The following NAT8L variants were observed in gnomAD, a reference collection of about 807,000 sequenced individuals.
NAT8L encodes N-acetylaspartate synthetase.
NAT8L carries 6 observed loss-of-function variants against 21.2 expected under a neutral mutation model. The observed-to-expected ratio is 0.28, with a 90% CI of 0.16 to 0.56. The LOEUF is 0.56. Among genes scored for constraint, NAT8L ranks in the 20% least tolerant of loss-of-function variants. The probability of loss-of-function intolerance (pLI) is 0.93; values close to 1 mark genes in which losing one functional copy is unlikely to be tolerated. For synonymous variants in NAT8L, 239 were observed against 204.9 expected (o/e 1.17, Z -1.42); for missense variants, 331 against 433.3 (o/e 0.76, Z 2.10).
rs748394253 is a variant in NAT8L at position 2,061,107 on chromosome 4, G to A, written c.486G>A (p.Glu162=). ...GCAAGGTGATCCGCGCCTACCTGGA[G>A]TGCGCGCTGCACACGGACATGGCGG... The part of the protein sequence containing the change: ...YSRKVIRAYL[E]CALHTDMADI... The change falls in exon 2 of 3, where the codon GAG becomes GAA. Residue 162 remains glutamate (E), a synonymous_variant. Coordinates refer to ENST00000423729, the MANE Select transcript of NAT8L (RefSeq NM_178557.4). 5 of 1,611,566 alleles carry A rather than the reference G, an allele frequency of 3.1e-6. No individual in the cohort carries two copies. The highest frequency in any genetic ancestry group is 4.2e-6 in the Non-Finnish European group (5 of 1,179,260).
rs1729809783 is a variant in NAT8L at position 2,059,505 on chromosome 4, C to T, written c.-7C>T. ...CGTCCCCGCTGCCGCGCCGCCCGGCCGGGTGCATGCATTGTGGGCCTCCCG... is the reference window on the plus strand; with the variant it reads ...CGTCCCCGCTGCCGCGCCGCCCGGCTGGGTGCATGCATTGTGGGCCTCCCG... On this transcript the variant is annotated 5_prime_UTR_variant, in exon 1 of 3. Transcript: ENST00000423729. This position sits in a 1 kb window ranked among gnomAD's most constrained non-coding sequence, Gnocchi z 4.8. The T allele has an allele frequency of 1.1e-5, 11 of 986,020 alleles. No individual in the cohort carries two copies. Among genetic ancestry groups the T allele is most frequent in the Non-Finnish European group, 1.2e-5 (10 of 830,772 alleles). The allele number at this position is 986,020 out of a possible 1,614,324, so 61.1% of individuals were successfully genotyped here.
rs867991655 is a variant in NAT8L, at chr4:2,064,004, G to A, written c.786G>A (p.Leu262=). 1 of 1,611,780 alleles carries A rather than the reference G, an allele frequency of 6.2e-7. No individual in the cohort carries two copies. The highest frequency in any genetic ancestry group is 1.7e-4 in the Middle Eastern group (1 of 6,034). Residue 262 remains leucine, a synonymous_variant, in exon 3 of 3, where the codon CTG becomes CTA. Coordinates refer to ENST00000423729, the MANE Select transcript of NAT8L (RefSeq NM_178557.4). ...CCGCCCACAAGCTCTACGAGTCGCTGGGCTTCAGACACATGGGCGCCAGTG... is the reference window on the plus strand; with the variant it reads ...CCGCCCACAAGCTCTACGAGTCGCTAGGCTTCAGACACATGGGCGCCAGTG... ...KVAAHKLYES[L]GFRHMGASDH...
In NAT8L at chr4:2,068,320, T is replaced by A. The variant is rs1730047570; in HGVS notation, c.*4193T>A. 1 of 152,290 alleles carries A rather than the reference T, an allele frequency of 6.6e-6. No homozygotes were observed. The highest frequency in any genetic ancestry group is 2.1e-4 in the South Asian group (1 of 4,838). The allele number at this position is 152,290 out of a possible 1,614,324, so 9.4% of individuals were successfully genotyped here. ...GAGCACGTGTATAGATGTACGTGTG[T>A]GTGCGCATGTGTGCGTGTACATGTG... On this transcript the variant is annotated 3_prime_UTR_variant, in exon 3 of 3. Transcript: ENST00000423729.
At position 2,063,740 on chromosome 4, in the gene NAT8L, G is replaced by T; in HGVS notation, c.542-20G>T. The T allele has an allele frequency of 1.2e-6, 2 of 1,609,176 alleles. No individual in the cohort carries two copies. The highest frequency in any genetic ancestry group is 2.2e-5 in the South Asian group (2 of 91,014). On this transcript the variant is annotated intron_variant, in intron 2 of 2. Transcript: ENST00000423729. ...CCAGCCTTCCTCACCGGGTGTCCCTGACCGCCCTATCCCCTGCAGGCTCCT... is the reference window on the plus strand; with the variant it reads ...CCAGCCTTCCTCACCGGGTGTCCCTTACCGCCCTATCCCCTGCAGGCTCCT...
chr4:2,063,080 T>C (rs1004987103), intron 2 of NAT8L, among the ~76,000 whole-genome samples: 3 of 152,224 alleles, frequency 2.0e-5, no homozygotes, highest in East Asian at 1.9e-4. Context: ...GTGGATGGGG[T>C]GATGGCCTGG....
rs1211159712 is a variant in NAT8L at position 2,059,379 on chromosome 4, CGCCGCCGCCGCCGCCGCT to C, written c.-115_-98del. The C allele has an allele frequency of 3.0e-5, 5 of 168,506 alleles. No individual in the cohort carries two copies. The highest frequency in any genetic ancestry group is 7.4e-5 in the African/African-American group (3 of 40,712). The allele number at this position is 168,506 out of a possible 1,614,324, so 10.4% of individuals were successfully genotyped here. On this transcript the variant is annotated 5_prime_UTR_variant, in exon 1 of 3. Transcript: ENST00000423729. This position sits in a 1 kb window ranked among gnomAD's most constrained non-coding sequence, Gnocchi z 4.8. ...CCTCCGCCCCGCGCCCCTGAGCTGC[CGCCGCCGCCGCCGCCGCT>C]GCCGCCGCCGCCGCCGCCGCCGCGG...
At chr4:2,061,570 G>C (rs941155783) in intron 2 of NAT8L, among the ~76,000 whole-genome samples, 4 of 152,204 alleles carry the variant, frequency 2.6e-5, no homozygotes, top group African/African-American at 9.6e-5. Context: ...TTGGGGCACA[G>C]AGGATGGGGT....
Position 2,059,689 on chromosome 4 carries a change from G to C in NAT8L, c.178G>C (p.Val60Leu). 1 of 1,043,584 alleles carries C rather than the reference G, an allele frequency of 9.6e-7. No homozygotes were observed. Among genetic ancestry groups the C allele is most frequent in the Non-Finnish European group, 1.2e-6 (1 of 869,438 alleles). The allele number at this position is 1,043,584 out of a possible 1,614,324, so 64.6% of individuals were successfully genotyped here. Residue 60 changes from valine to leucine, a missense_variant, in exon 1 of 3, where the codon GTG becomes CTG. Physicochemically the swap from Val to Leu is conservative, Grantham distance 32 (BLOSUM62 1). Transcript: ENST00000423729. The surrounding 1 kb of genome is among the most constrained non-coding windows in gnomAD (Gnocchi z 4.8). ...GCCCCCCGCGCCCCCACCTGCCCCG[G>C]TGGCTCAGCCTCACGGCGGGGCGGG... ...AAPPAPPPAP[V>L]AQPHGGAGGA...
At chr4:2,062,737 TG>T (rs1265470807) in intron 2 of NAT8L, among the ~76,000 whole-genome samples, 2 of 149,598 alleles carry the variant, frequency 1.3e-5, no homozygotes, top group African/African-American at 4.9e-5. Flanking sequence ...GGCTGGTGGC[TG>T]TGCAGAGGGG....
In NAT8L at chr4:2,059,763, T is replaced by G; in HGVS notation, c.252T>G (p.Arg84=). ...GGRGVCIREF[R]AAEQEAARRI... Reference sequence around the variant, plus strand: ...GCGGCGTGTGCATCCGCGAGTTCCGTGCGGCCGAGCAGGAGGCGGCGCGCC... The same window carrying G: ...GCGGCGTGTGCATCCGCGAGTTCCGGGCGGCCGAGCAGGAGGCGGCGCGCC... The change falls in exon 1 of 3, where the codon CGT becomes CGG. Residue 84 remains arginine (R), a synonymous_variant. Coordinates refer to ENST00000423729, the MANE Select transcript of NAT8L (RefSeq NM_178557.4). This position sits in a 1 kb window ranked among gnomAD's most constrained non-coding sequence, Gnocchi z 4.8. 7.6e-7 allele frequency: 1 copy of G among 1,318,690 alleles called. No individual in the cohort carries two copies. The highest frequency in any genetic ancestry group is 9.8e-7 in the Non-Finnish European group (1 of 1,021,818). The allele number at this position is 1,318,690 out of a possible 1,614,324, so 81.7% of individuals were successfully genotyped here.
rs1369571245 is a variant in NAT8L, at chr4:2,059,970, G to A, written c.376+83G>A. On this transcript the variant is annotated intron_variant, in intron 1 of 2. Coordinates refer to ENST00000423729, the MANE Select transcript of NAT8L (RefSeq NM_178557.4). The surrounding 1 kb of genome is among the most constrained non-coding windows in gnomAD (Gnocchi z 4.8). ...GCCCCGGCGTCCACGCGGACCCCGCGCCCGGCTCCCGGGGACCAGCCTGGG... is the reference window on the plus strand; with the variant it reads ...GCCCCGGCGTCCACGCGGACCCCGCACCCGGCTCCCGGGGACCAGCCTGGG... 1.1e-5 allele frequency: 9 copies of A among 843,096 alleles called. No homozygotes were observed. The highest frequency in any genetic ancestry group is 1.4e-5 in the Non-Finnish European group (9 of 664,790). The allele number at this position is 843,096 out of a possible 1,614,324, so 52.2% of individuals were successfully genotyped here. A position where few individuals can be genotyped will look rare whatever the true frequency, so the allele number is the denominator to read the frequency against.
At position 2,059,996 on chromosome 4, in the gene NAT8L, A is replaced by G. The variant is rs1423521852; in HGVS notation, c.376+109A>G. ...CCCGGCTCCCGGGGACCAGCCTGGGAAGCCCCCCGCTTTCTGCCGCGCCGG... is the reference window on the plus strand; with the variant it reads ...CCCGGCTCCCGGGGACCAGCCTGGGGAGCCCCCCGCTTTCTGCCGCGCCGG... On this transcript the variant is annotated intron_variant, in intron 1 of 2. Coordinates refer to ENST00000423729, the MANE Select transcript of NAT8L (RefSeq NM_178557.4). This position sits in a 1 kb window ranked among gnomAD's most constrained non-coding sequence, Gnocchi z 4.8. 2 of 591,290 alleles carry G rather than the reference A, an allele frequency of 3.4e-6. No homozygotes were observed. The highest frequency in any genetic ancestry group is 4.5e-6 in the Non-Finnish European group (2 of 439,608). The allele number at this position is 591,290 out of a possible 1,614,324, so 36.6% of individuals were successfully genotyped here.
At position 2,064,593 on chromosome 4, in the gene NAT8L, C is replaced by G. The variant is rs549765370; in HGVS notation, c.*466C>G. On this transcript the variant is annotated 3_prime_UTR_variant, in exon 3 of 3. Coordinates refer to ENST00000423729, the MANE Select transcript of NAT8L (RefSeq NM_178557.4). ...CTCCGCGCATGCCGAGGGTGTGGCC[C>G]GGCTGAGCATGCCGCATGCACACAG... 1 of 153,154 alleles carries G rather than the reference C, an allele frequency of 6.5e-6. No homozygotes were observed. The highest frequency in any genetic ancestry group is 2.1e-4 in the South Asian group (1 of 4,872). 9.5% of individuals were successfully genotyped at this position (153,154 alleles called of 1,614,324 possible).
Position 2,059,980 on chromosome 4 carries a change from C to CA in NAT8L, c.376+93_376+94insA. 1 of 742,656 alleles carries CA rather than the reference C, an allele frequency of 1.3e-6. No homozygotes were observed. The allele number at this position is 742,656 out of a possible 1,614,324, so 46.0% of individuals were successfully genotyped here. On this transcript the variant is annotated intron_variant, in intron 1 of 2. Coordinates refer to ENST00000423729, the MANE Select transcript of NAT8L (RefSeq NM_178557.4). This position sits in a 1 kb window ranked among gnomAD's most constrained non-coding sequence, Gnocchi z 4.8. The stretch of plus-strand genomic sequence containing the variant: ...CCACGCGGACCCCGCGCCCGGCTCC[C>CA]GGGGACCAGCCTGGGAAGCCCCCCG...
In NAT8L at chr4:2,063,770, C is replaced by T. The variant is rs2108680852; in HGVS notation, c.552C>T (p.Phe184=). ...QYYMKPPGSC[F]WVAVLDGNVV... is the part of the protein sequence containing the mutation. ...CCCTATCCCCTGCAGGCTCCTGCTT[C>T]TGGGTGGCCGTGCTGGATGGCAACG... The change falls in exon 3 of 3, where the codon TTC becomes TTT. Residue 184 remains phenylalanine, a synonymous_variant. Transcript: ENST00000423729. 2 of 1,611,638 alleles carry T rather than the reference C, an allele frequency of 1.2e-6. No homozygotes were observed. The highest frequency in any genetic ancestry group is 1.7e-6 in the Non-Finnish European group (2 of 1,179,888).
chr4:2,068,578 G>A lies in NAT8L; in HGVS notation c.*4451G>A, dbSNP rs1460567635. 6.7e-6 allele frequency: 1 copy of A among 149,266 alleles called. No individual in the cohort carries two copies. Among genetic ancestry groups the A allele is most frequent in the Non-Finnish European group, 1.5e-5 (1 of 68,046 alleles). 9.2% of individuals were successfully genotyped at this position (149,266 alleles called of 1,614,324 possible). A position where few individuals can be genotyped will look rare whatever the true frequency, so the allele number is the denominator to read the frequency against. On this transcript the variant is annotated 3_prime_UTR_variant, in exon 3 of 3. Transcript: ENST00000423729. ...CTGGTGTATGGGTGAGCATGCACAT[G>A]TGTATGGATGCATATGTGAGCTGTA...
rs1729964982 is a variant in NAT8L at position 2,064,772 on chromosome 4, T to TG, written c.*646dup. The TG allele has an allele frequency of 6.5e-6, 1 of 152,778 alleles. No individual in the cohort carries two copies. Among genetic ancestry groups the TG allele is most frequent in the Non-Finnish European group, 1.5e-5 (1 of 68,546 alleles). The allele number at this position is 152,778 out of a possible 1,614,324, so 9.5% of individuals were successfully genotyped here. ...CGCGCCGCCCGGCTCTGTCCACACC[T>TG]GCTTTGCTCTGACGCCCTCCATTTC... On this transcript the variant is annotated 3_prime_UTR_variant, in exon 3 of 3. Coordinates refer to ENST00000423729, the MANE Select transcript of NAT8L (RefSeq NM_178557.4).
chr4:2,059,327 C>T lies in NAT8L; in HGVS notation c.-185C>T, dbSNP rs1216476196. On this transcript the variant is annotated 5_prime_UTR_variant, in exon 1 of 3. Transcript: ENST00000423729. The surrounding 1 kb of genome is among the most constrained non-coding windows in gnomAD (Gnocchi z 4.8). ...TACTTCTCCAAAATGCGGCGCAGCT[C>T]CCTGCGCGCGCCCCGGCCGCCCGCC... 1.4e-5 allele frequency among the ~76,000 whole-genome samples: 2 copies of T among 145,622 alleles called. No individual in the cohort carries two copies. The highest frequency in any genetic ancestry group is 6.8e-5 in the Admixed American group (1 of 14,688).
In NAT8L at chr4:2,065,218, C is replaced by T. The variant is rs1447122477; in HGVS notation, c.*1091C>T. On this transcript the variant is annotated 3_prime_UTR_variant, in exon 3 of 3. Coordinates refer to ENST00000423729, the MANE Select transcript of NAT8L (RefSeq NM_178557.4). Reference sequence around the variant, plus strand: ...GCTGTTGGAAACCTGGAGGGAAACCCTGATTGGATGTCATTTCCTGCCATG... The same window carrying T: ...GCTGTTGGAAACCTGGAGGGAAACCTTGATTGGATGTCATTTCCTGCCATG... The T allele has an allele frequency of 1.3e-5, 2 of 152,318 alleles. No homozygotes were observed. Among genetic ancestry groups the T allele is most frequent in the African/African-American group, 4.8e-5 (2 of 41,410 alleles). 9.4% of individuals were successfully genotyped at this position (152,318 alleles called of 1,614,324 possible). A position where few individuals can be genotyped will look rare whatever the true frequency, so the allele number is the denominator to read the frequency against.
Sources: allele counts gnomAD v4.1 joint callset (sites outside exome capture counted in the v4.1 genomes callset), GRCh38; gene constraint gnomAD v4.1.1; non-coding constraint Gnocchi (gnomAD v3.1); transcripts MANE v1.5; gene names NCBI Gene and HGNC (gene_info 2026-07-23, HGNC 2026-07-21).